Variants in PDLIM5 observed in about 807,000 individuals in gnomAD.
The protein encoded by PDLIM5 is PDZ and LIM domain 5, also known as PDZ and LIM domain protein 5.
In PDLIM5, 34 loss-of-function variants were observed where a neutral mutation model predicts 64.2. That is an observed-to-expected ratio of 0.53 (90% CI 0.40 to 0.71). PDLIM5 has a LOEUF of 0.71. PDLIM5 is among the 30% of genes least tolerant of loss of function. PDLIM5 has a pLI of 0.00. For missense variants in PDLIM5, 683 were observed against 733.6 expected (o/e 0.93, Z 0.80); for synonymous variants, 253 against 269.1 (o/e 0.94, Z 0.59).
chr4:94,521,706 T>C (rs945128196), intron 2 of PDLIM5, among the ~76,000 whole-genome samples: 2 of 151,958 alleles, frequency 1.3e-5, no homozygotes, highest in Non-Finnish European at 2.9e-5. Context: ...TCATTACCTT[T>C]ATATTACTAC....
At chr4:94,490,135 T>C (rs1726735143) in intron 2 of PDLIM5, among the ~76,000 whole-genome samples, 1 of 151,758 alleles carries the variant, frequency 6.6e-6, no homozygotes, top group Admixed American at 6.6e-5. Flanking sequence ...CTGTGGGGGG[T>C]ATAATCTTAT....
At chr4:94,474,717 A>G (rs2438147) in intron 2 of PDLIM5, among the ~76,000 whole-genome samples, 56,574 of 152,068 alleles carry the variant, frequency 0.37, 11,197 homozygotes, top group Non-Finnish European at 0.45. Flanking sequence ...AGTCAAGATC[A>G]CAGCTCACTG....
intron 3 of PDLIM5, among the ~76,000 whole-genome samples, chr4:94,566,339 C>T (rs1234282269): frequency 1.3e-5 from 2 of 152,168 alleles, no homozygotes; most frequent in East Asian, 3.8e-4. Flanking sequence ...GGTAGGTACT[C>T]ATTAAGTGAT....
chr4:94,632,566 TACAGATGTCCATGAAC>T (rs1284152890), intron 8 of PDLIM5, among the ~76,000 whole-genome samples: 2 of 152,180 alleles, frequency 1.3e-5, no homozygotes, highest in Non-Finnish European at 2.9e-5. Context: ...AATGCCCCTT[TACAGATGTCCATGAAC>T]ACAGAACTTG....
chr4:94,620,681 T>G (rs1386650384), intron 8 of PDLIM5, among the ~76,000 whole-genome samples: 2 of 152,050 alleles, frequency 1.3e-5, no homozygotes, highest in African/African-American at 4.8e-5. Flanking sequence ...CTAAATAAAT[T>G]ATTTATAAAT....
At chr4:94,569,345 G>GTTTGTTTA (rs1734611160) in intron 3 of PDLIM5, among the ~76,000 whole-genome samples, 1 of 152,092 alleles carries the variant, frequency 6.6e-6, no homozygotes, top group African/African-American at 2.4e-5. Flanking sequence ...TTGTTTGTTT[G>GTTTGTTTA]TTTGTTTAGA....
intron 7 of PDLIM5, among the ~76,000 whole-genome samples, chr4:94,594,494 A>T (rs986152022): frequency 1.3e-5 from 2 of 152,094 alleles, no homozygotes; most frequent in African/African-American, 4.8e-5. Context: ...CCATCTTATC[A>T]GTAACTATTA....
chr4:94,611,088 T>C, intron 7 of PDLIM5: 2 of 1,534,806 alleles, frequency 1.3e-6, no homozygotes, highest in Non-Finnish European at 1.7e-6. Flanking sequence ...TCCTGAAAGA[T>C]ATCACTCACT....
intron 7 of PDLIM5, among the ~76,000 whole-genome samples, chr4:94,592,515 T>C (rs138533674): frequency 7.1e-4 from 108 of 152,350 alleles, no homozygotes; most frequent in African/African-American, 2.2e-3. Context: ...AAATATCTTG[T>C]AATGCACTGA....
rs149149793 is a variant in PDLIM5, at chr4:94,630,792, C to A, written c.1109-9484C>A. 1.6e-4 allele frequency among the ~76,000 whole-genome samples: 24 copies of A among 152,140 alleles called. No homozygotes were observed. The East Asian group carries it at 4.6e-3, about 29-fold the overall frequency. On this transcript the variant is annotated intron_variant, in intron 8 of 12. Coordinates refer to ENST00000317968, the MANE Select transcript of PDLIM5 (RefSeq NM_006457.5). ...TTTTATAGTTATTCCTAGATTTGTC[C>A]CCATAACTTTCTTTGCTGCTTTAGC...
Position 94,572,569 on chromosome 4 carries a change from C to T in PDLIM5, c.249-782C>T, listed in dbSNP as rs1355591939. Among the ~76,000 whole-genome samples, 6 of 152,178 alleles carry T rather than the reference C, an allele frequency of 3.9e-5. 1 individual carries two copies. Among genetic ancestry groups the T allele is most frequent in the African/African-American group, 1.4e-4 (6 of 41,540 alleles). On this transcript the variant is annotated intron_variant, in intron 3 of 12. Transcript: ENST00000317968. The stretch of plus-strand genomic sequence containing the variant: ...ATGCTAACTAAAGGCACAATAATAA[C>T]ATAGTACAAAAAACATATATTTAAA...
intron 10 of PDLIM5, 40 bp downstream of exon 10, chr4:94,654,680 A>G: frequency 7.6e-7 from 1 of 1,316,304 alleles, no homozygotes; most frequent in Non-Finnish European, 1.1e-6. Flanking sequence ...TGAGTTTTAA[A>G]GTAGAATAAT....
At position 94,569,823 on chromosome 4, in the gene PDLIM5, T is replaced by A. The variant is rs1403691756; in HGVS notation, c.249-3528T>A. On this transcript the variant is annotated intron_variant, in intron 3 of 12. Coordinates refer to ENST00000317968, the MANE Select transcript of PDLIM5 (RefSeq NM_006457.5). ...TAAATTTGCTTGAATTGCTTGCTAC[T>A]TGACAAAATGCTTTCTTTCTTAGTG... is the stretch of plus-strand genomic sequence containing the variant. 2.0e-5 allele frequency among the ~76,000 whole-genome samples: 3 copies of A among 152,362 alleles called. No individual in the cohort carries two copies. In the East Asian group the frequency reaches 5.8e-4, roughly 29 times the overall value.
At chr4:94,454,328 T>G (rs1169409889) in intron 1 of PDLIM5, among the ~76,000 whole-genome samples, 3 of 151,358 alleles carry the variant, frequency 2.0e-5, no homozygotes, top group South Asian at 2.1e-4. Context: ...ACTCGAAGTT[T>G]TTTTTTTTTT....
chr4:94,473,060 A>G (rs1194888776), intron 2 of PDLIM5, among the ~76,000 whole-genome samples: 2 of 148,922 alleles, frequency 1.3e-5, no homozygotes, highest in Non-Finnish European at 3.0e-5. Flanking sequence ...GGGCTTACAT[A>G]ATTTGTAGAA....
intron 7 of PDLIM5, among the ~76,000 whole-genome samples, chr4:94,605,559 A>G (rs1578457810): frequency 6.6e-6 from 1 of 152,208 alleles, no homozygotes; most frequent in African/African-American, 2.4e-5. Context: ...TAAAAGGAGT[A>G]AACACTGGGG....
intron 3 of PDLIM5, among the ~76,000 whole-genome samples, chr4:94,559,586 G>A (rs575566288): frequency 2.0e-5 from 3 of 152,266 alleles, no homozygotes; most frequent in African/African-American, 7.2e-5. Context: ...TGTGACAGAC[G>A]GCTGAAAACA....
At chr4:94,588,062 C>G (rs1403787356) in intron 7 of PDLIM5, 2 of 912,270 alleles carry the variant, frequency 2.2e-6, no homozygotes, top group Non-Finnish European at 2.6e-6. Flanking sequence ...TATATTAGAG[C>G]TAAATTTAGT....
At chr4:94,584,267 T>G (rs1735979524) in intron 5 of PDLIM5, 1 of 152,220 alleles carries the variant, frequency 6.6e-6, no homozygotes, top group South Asian at 2.1e-4. Context: ...ACTCATAGCC[T>G]CCAAAAATTT....
Sources: allele counts gnomAD v4.1 joint callset (sites outside exome capture counted in the v4.1 genomes callset), GRCh38; gene constraint gnomAD v4.1.1; transcripts MANE v1.5; gene names NCBI Gene and HGNC (gene_info 2026-07-23, HGNC 2026-07-21).